The following CSMD1 variants were observed in gnomAD, a reference collection of about 807,000 sequenced individuals.
CSMD1 encodes the protein CUB and Sushi multiple domains 1, also known as CUB and sushi domain-containing protein 1.
Under a neutral mutation model 417.5 loss-of-function variants are expected in CSMD1, and 213 were observed. That is an observed-to-expected ratio of 0.51 (90% CI 0.46 to 0.57). The LOEUF (loss-of-function observed/expected upper bound fraction) is 0.57. CSMD1 is among the 20% of genes least tolerant of loss of function. CSMD1 has a pLI of 0.00. For missense variants in CSMD1, 6,923 were observed against 4,529.7 expected, an observed-to-expected ratio of 1.53 and a Z score of -15.17; for synonymous variants, 2,862 against 1,736.8, an observed-to-expected ratio of 1.65 and a Z score of -16.11.
intron 2 of CSMD1, among the ~76,000 whole-genome samples, chr8:4,459,260 A>C (rs114986970): frequency 7.7e-4 from 118 of 152,342 alleles, no homozygotes; most frequent in African/African-American, 2.8e-3. Context: ...TAAAAGGTCA[A>C]AATGCTGCAG....
intron 29 of CSMD1, among the ~76,000 whole-genome samples, 154 bp from the exon 30 acceptor site, chr8:3,214,845 C>T (rs1347564048): frequency 6.6e-6 from 1 of 152,122 alleles, no homozygotes; most frequent in Non-Finnish European, 1.5e-5. Context: ...TATTGATTGG[C>T]TATTGACCAA....
At chr8:3,216,156 T>C (rs1317406481) in intron 29 of CSMD1, among the ~76,000 whole-genome samples, 1 of 151,832 alleles carries the variant, frequency 6.6e-6, no homozygotes, top group Admixed American at 6.6e-5. Flanking sequence ...CAGTGCTCTC[T>C]AATTGCTTTG....
intron 10 of CSMD1, among the ~76,000 whole-genome samples, chr8:3,512,513 G>A (rs577709195): frequency 6.7e-5 from 10 of 149,730 alleles, no homozygotes; most frequent in African/African-American, 2.2e-4. Flanking sequence ...ATGAACGGCT[G>A]GGCTGGTGGG....
intron 2 of CSMD1, among the ~76,000 whole-genome samples, chr8:4,574,725 T>C (rs193035440): frequency 6.6e-6 from 1 of 152,168 alleles, no homozygotes; most frequent in Admixed American, 6.5e-5. Context: ...AAACTAACCA[T>C]AGACACACAC....
chr8:3,721,532 A>C (rs554920936), intron 6 of CSMD1, among the ~76,000 whole-genome samples: 78 of 152,296 alleles, frequency 5.1e-4, no homozygotes, highest in South Asian at 4.1e-3. Context: ...GCACAAAGAG[A>C]AACATATTCT....
At chr8:3,114,165 G>A (rs759026335) in intron 42 of CSMD1, among the ~76,000 whole-genome samples, 2 of 152,148 alleles carry the variant, frequency 1.3e-5, no homozygotes, top group Non-Finnish European at 2.9e-5. Flanking sequence ...GATTGCTTGA[G>A]CCTGGCAGGT....
chr8:4,821,166 T>G lies in CSMD1; in HGVS notation c.85+173166A>C, dbSNP rs370390929. Reference sequence around the variant, plus strand: ...ACTTCTCTGAGTCACAGATCCTCTCTTCTCTGTAATCACGTCACTGTGACA... The same window carrying G: ...ACTTCTCTGAGTCACAGATCCTCTCGTCTCTGTAATCACGTCACTGTGACA... On this transcript the variant is annotated intron_variant, in intron 1 of 69. Transcript: ENST00000635120. Among the ~76,000 whole-genome samples the G allele has an allele frequency of 7.2e-5, 11 of 152,280 alleles. 1 individual carries two copies. Among genetic ancestry groups the G allele is most frequent in the Admixed American group, 2.6e-4 (4 of 15,282 alleles).
At chr8:4,473,807 A>G (rs1056616175) in intron 2 of CSMD1, among the ~76,000 whole-genome samples, 2 of 152,180 alleles carry the variant, frequency 1.3e-5, no homozygotes, top group African/African-American at 4.8e-5. Flanking sequence ...AAATGACAGA[A>G]AAATAGAGAT....
At chr8:4,546,474 T>C (rs114647414) in intron 2 of CSMD1, among the ~76,000 whole-genome samples, 3,804 of 152,266 alleles carry the variant, frequency 0.025, 156 homozygotes, top group African/African-American at 0.088. Context: ...GACCAACCCA[T>C]GGCAGGCCAC....
In CSMD1 at chr8:4,414,174, A is replaced by C. The variant is rs1302968166; in HGVS notation, c.415+5779T>G. On this transcript the variant is annotated intron_variant, in intron 3 of 69. Transcript: ENST00000635120. ...TAAAGCTTTGAGCTTGAAGAGTAAT[A>C]ATCTAGCTGCTCTTTCTAAATCCAG... 3.9e-5 allele frequency among the ~76,000 whole-genome samples: 6 copies of C among 152,312 alleles called. No homozygotes were observed. In the East Asian group the frequency reaches 1.2e-3, roughly 29 times the overall value.
At chr8:3,065,577 C>A (rs780941684) in intron 49 of CSMD1, among the ~76,000 whole-genome samples, 1 of 151,766 alleles carries the variant, frequency 6.6e-6, no homozygotes, top group Non-Finnish European at 1.5e-5. Flanking sequence ...ATGATAGATA[C>A]ATAGATACAC....
intron 5 of CSMD1, among the ~76,000 whole-genome samples, chr8:3,770,201 A>T (rs1994054): frequency 0.11 from 17,342 of 152,116 alleles, 1,550 homozygotes; most frequent in African/African-American, 0.24. Flanking sequence ...ATTTTGAAAC[A>T]TTTCTACACA....
intron 5 of CSMD1, among the ~76,000 whole-genome samples, chr8:3,912,526 G>T (rs1425629203): frequency 6.6e-6 from 1 of 152,156 alleles, no homozygotes; most frequent in East Asian, 1.9e-4. Context: ...ATACATAACA[G>T]AGGGGGCTGG....
At chr8:3,632,029 C>G (rs1362503302) in intron 7 of CSMD1, among the ~76,000 whole-genome samples, 1 of 152,198 alleles carries the variant, frequency 6.6e-6, no homozygotes, top group Non-Finnish European at 1.5e-5. Flanking sequence ...ACTCATCATT[C>G]AATCAGCATT....
At chr8:3,549,421 A>G (rs1798815362) in intron 10 of CSMD1, among the ~76,000 whole-genome samples, 3 of 152,298 alleles carry the variant, frequency 2.0e-5, no homozygotes, top group Middle Eastern at 3.4e-3. Flanking sequence ...TATGCTTTGA[A>G]TGTTTATGGC....
At position 4,951,719 on chromosome 8, in the gene CSMD1, C is replaced by T. The variant is rs867808669; in HGVS notation, c.85+42613G>A. ...GCTGTGGTTCTACCAGAAGAATCTCCCTATATTAATAATGTTACTCACAAT... is the reference window on the plus strand; with the variant it reads ...GCTGTGGTTCTACCAGAAGAATCTCTCTATATTAATAATGTTACTCACAAT... On this transcript the variant is annotated intron_variant, in intron 1 of 69. Transcript: ENST00000635120. Among the ~76,000 whole-genome samples the T allele has an allele frequency of 2.0e-5, 3 of 151,258 alleles. No individual in the cohort carries two copies. In the South Asian group the frequency reaches 6.2e-4, roughly 31 times the overall value.
chr8:3,286,348 G>A (rs1178394290), intron 25 of CSMD1, among the ~76,000 whole-genome samples: 1 of 152,058 alleles, frequency 6.6e-6, no homozygotes, highest in Non-Finnish European at 1.5e-5. Context: ...ACCCAGTAAT[G>A]GGATGGCTGG....
At chr8:4,781,615 T>C (rs1166249085) in intron 1 of CSMD1, among the ~76,000 whole-genome samples, 1 of 152,234 alleles carries the variant, frequency 6.6e-6, no homozygotes, top group Non-Finnish European at 1.5e-5. Context: ...TCTATTGTTG[T>C]ACTTTCTGAT....
At chr8:4,378,420 A>C (rs1584982857) in intron 3 of CSMD1, among the ~76,000 whole-genome samples, 1 of 152,204 alleles carries the variant, frequency 6.6e-6, no homozygotes, top group African/African-American at 2.4e-5. Flanking sequence ...GAAGAGCATG[A>C]TATCAATTGT....
Sources: allele counts gnomAD v4.1 joint callset (sites outside exome capture counted in the v4.1 genomes callset), GRCh38; gene constraint gnomAD v4.1.1; transcripts MANE v1.5; gene names NCBI Gene and HGNC (gene_info 2026-07-23, HGNC 2026-07-21).